Variants in FAM98A observed in about 807,000 individuals in gnomAD.
The protein encoded by FAM98A is tRNA splicing ligase complex subunit 3A.
FAM98A carries 25 observed loss-of-function variants against 62.9 expected under a neutral mutation model. That is an observed-to-expected ratio of 0.40 (90% CI 0.29 to 0.56). FAM98A has a LOEUF of 0.56. Among genes scored for constraint, FAM98A ranks in the 20% least tolerant of loss-of-function variants. FAM98A has a pLI of 0.51. For missense variants in FAM98A, 653 were observed against 640.7 expected (o/e 1.02, Z -0.21); for synonymous variants, 252 against 228.6 (o/e 1.10, Z -0.92).
At position 33,587,746 on chromosome 2, in the gene FAM98A, C is replaced by T. The variant is rs184627405; in HGVS notation, c.523-426G>A. On this transcript the variant is annotated intron_variant, in intron 4 of 7. Coordinates refer to ENST00000238823, the MANE Select transcript of FAM98A (RefSeq NM_015475.5). ...GGAATAACTGTGCTTTAACAAATACCGTTCTCTTCTACTCATTTTTGTTAA... is the reference window on the plus strand; with the variant it reads ...GGAATAACTGTGCTTTAACAAATACTGTTCTCTTCTACTCATTTTTGTTAA... The T allele has an allele frequency of 1.3e-4, 23 of 173,080 alleles. No homozygotes were observed. The South Asian group carries it at 1.8e-3, about 14-fold the overall frequency. The allele number at this position is 173,080 out of a possible 1,614,324, so 10.7% of individuals were successfully genotyped here.
chr2:33,593,710 C>A (rs151173784), intron 2 of FAM98A, among the ~76,000 whole-genome samples: 2 of 152,254 alleles, frequency 1.3e-5, no homozygotes, highest in African/African-American at 4.8e-5. Context: ...GAATATTTTG[C>A]AAACTGTGAT....
At chr2:33,587,181 A>C in intron 5 of FAM98A, 59 bp downstream of exon 5, 1 of 1,078,252 alleles carries the variant, frequency 9.3e-7, no homozygotes, top group South Asian at 1.4e-5. Flanking sequence ...AAGTGTTGAC[A>C]TGAAAATCAT....
chr2:33,589,672 T>C (rs543724978), intron 3 of FAM98A: 7 of 152,176 alleles, frequency 4.6e-5, no homozygotes, highest in Non-Finnish European at 8.8e-5. Context: ...AATCTTAACA[T>C]GTTCCATACA....
intron 2 of FAM98A, among the ~76,000 whole-genome samples, chr2:33,594,584 C>A: frequency 7.3e-6 from 1 of 137,698 alleles, no homozygotes; most frequent in Non-Finnish European, 1.5e-5. Flanking sequence ...TATACACACA[C>A]ACACACACAC....
intron 5 of FAM98A, 36 bp downstream of exon 5, chr2:33,587,204 T>A (rs748277434): frequency 7.7e-7 from 1 of 1,293,704 alleles, no homozygotes; most frequent in Non-Finnish European, 1.1e-6. Context: ...ACTCTATAGT[T>A]CTTTACAAAG....
At position 33,584,739 on chromosome 2, in the gene FAM98A, T is replaced by C. The variant is rs778196527; in HGVS notation, c.*37A>G. 6.6e-7 allele frequency: 1 copy of C among 1,515,964 alleles called. No individual in the cohort carries two copies. 93.9% of individuals were successfully genotyped at this position (1,515,964 alleles called of 1,614,324 possible). On this transcript the variant is annotated 3_prime_UTR_variant, in exon 8 of 8. Coordinates refer to ENST00000238823, the MANE Select transcript of FAM98A (RefSeq NM_015475.5). Reference sequence around the variant, plus strand: ...TCAGGATTCTGAAACTAAGTTTCTATTACTTGAGCTCTAGCAAAATGTAAG... The same window carrying C: ...TCAGGATTCTGAAACTAAGTTTCTACTACTTGAGCTCTAGCAAAATGTAAG...
intron 2 of FAM98A, among the ~76,000 whole-genome samples, chr2:33,594,535 TAAAAAAAAAAA>T (rs1160445620): frequency 1.5e-4 from 5 of 34,308 alleles, no homozygotes; most frequent in African/African-American, 1.0e-3. Flanking sequence ...AACATAAAGT[TAAAAAAAAAAA>T]AAAAAAAAAA....
chr2:33,587,440 T>C (rs1481609727), intron 4 of FAM98A, 120 bp from the exon 5 acceptor site: 1 of 754,356 alleles, frequency 1.3e-6, no homozygotes, highest in Non-Finnish European at 2.3e-6. Flanking sequence ...AGGTGGAGGA[T>C]GTTTTGAAAT....
chr2:33,591,939 A>G (rs1677679954), intron 3 of FAM98A, 141 bp downstream of exon 3: 1 of 799,512 alleles, frequency 1.3e-6, no homozygotes, highest in Admixed American at 2.5e-5. Flanking sequence ...CTAAATTGGA[A>G]ATTTAAGAAA....
intron 2 of FAM98A, among the ~76,000 whole-genome samples, chr2:33,594,145 A>G (rs1677735632): frequency 6.6e-6 from 1 of 152,226 alleles, no homozygotes; most frequent in Admixed American, 6.5e-5. Context: ...TAATGAGTTA[A>G]CACATATAAA....
intron 4 of FAM98A, chr2:33,587,970 G>A (rs1018145349): frequency 8.3e-6 from 2 of 240,040 alleles, no homozygotes; most frequent in African/African-American, 2.2e-5. Context: ...ATGGGGAGGA[G>A]GGTGGTAACA....
chr2:33,587,508 C>T lies in FAM98A; in HGVS notation c.523-188G>A, dbSNP rs866747093. 2.0e-4 allele frequency: 113 copies of T among 573,022 alleles called. 1 individual carries two copies. The South Asian group carries it at 2.1e-3, about 11-fold the overall frequency. 35.5% of individuals were successfully genotyped at this position (573,022 alleles called of 1,614,324 possible). ...TCACTGGTCCCACTCCTCACGCCTACAGAAGTCCTTCATTGCACCTAGAAC... is the reference window on the plus strand; with the variant it reads ...TCACTGGTCCCACTCCTCACGCCTATAGAAGTCCTTCATTGCACCTAGAAC... On this transcript the variant is annotated intron_variant, in intron 4 of 7. Coordinates refer to ENST00000238823, the MANE Select transcript of FAM98A (RefSeq NM_015475.5).
At chr2:33,594,901 C>T (rs1239579463) in intron 2 of FAM98A, among the ~76,000 whole-genome samples, 1 of 152,138 alleles carries the variant, frequency 6.6e-6, no homozygotes, top group Non-Finnish European at 1.5e-5. Flanking sequence ...CAAGCTTTTG[C>T]CTCTTTTGCA....
intron 3 of FAM98A, among the ~76,000 whole-genome samples, chr2:33,591,581 C>T (rs550542917): frequency 6.6e-6 from 1 of 152,054 alleles, no homozygotes. Context: ...ACAAACAAAA[C>T]CAAAATCCCC....
chr2:33,584,516 A>T lies in FAM98A; in HGVS notation c.*260T>A. 2.3e-6 allele frequency: 1 copy of T among 436,642 alleles called. No individual in the cohort carries two copies. Among genetic ancestry groups the T allele is most frequent in the Non-Finnish European group, 4.0e-6 (1 of 247,108 alleles). The allele number at this position is 436,642 out of a possible 1,614,324, so 27.0% of individuals were successfully genotyped here. ...TGACTGTGGAATTAGTCTACTGGGCAATTAAAGGCAATTTTAACCACCTTT... is the reference window on the plus strand; with the variant it reads ...TGACTGTGGAATTAGTCTACTGGGCTATTAAAGGCAATTTTAACCACCTTT... On this transcript the variant is annotated 3_prime_UTR_variant, in exon 8 of 8. Transcript: ENST00000238823.
At position 33,599,241 on chromosome 2, in the gene FAM98A, T is replaced by C. The variant is rs556319724; in HGVS notation, c.-20A>G. On this transcript the variant is annotated 5_prime_UTR_variant, in exon 1 of 8. Transcript: ENST00000238823. The stretch of plus-strand genomic sequence containing the variant: ...CTCCATGCTACTGTGGTATTCAAAT[T>C]TCCGAGTCGTCAGGCTCCCCTCTTC... 1 of 1,610,400 alleles carries C rather than the reference T, an allele frequency of 6.2e-7. No individual in the cohort carries two copies. The highest frequency in any genetic ancestry group is 8.5e-7 in the Non-Finnish European group (1 of 1,176,586).
chr2:33,587,146 A>G, intron 5 of FAM98A, 94 bp downstream of exon 5: 1 of 792,842 alleles, frequency 1.3e-6, no homozygotes, highest in Non-Finnish European at 2.1e-6. Flanking sequence ...GTATAAGAAA[A>G]CATAATTTAA....
chr2:33,585,232 G>C lies in FAM98A; in HGVS notation c.1101C>G (p.Asp367Glu), dbSNP rs761703607. Residue 367 changes from aspartate (D) to glutamate (E), a missense_variant, in exon 8 of 8, where the codon GAC (aspartate) becomes GAG (glutamate). Coordinates refer to ENST00000238823, the MANE Select transcript of FAM98A (RefSeq NM_015475.5). ...GGGRGGRGGYDHGGRGGGRGN... is the reference protein window; with the variant it reads ...GGGRGGRGGYEHGGRGGGRGN... ...CTCTTCCTCCCCCTCGGCCACCATGGTCATAGCCACCACGTCCACCTCTCC... is the reference window on the plus strand; with the variant it reads ...CTCTTCCTCCCCCTCGGCCACCATGCTCATAGCCACCACGTCCACCTCTCC... 1 of 1,613,838 alleles carries C rather than the reference G, an allele frequency of 6.2e-7. No homozygotes were observed. The highest frequency in any genetic ancestry group is 1.1e-5 in the South Asian group (1 of 91,054).
intron 1 of FAM98A, among the ~76,000 whole-genome samples, chr2:33,596,577 A>G (rs1243505129): frequency 2.6e-5 from 4 of 152,226 alleles, no homozygotes; most frequent in Admixed American, 2.6e-4. Context: ...TTAAGATGAT[A>G]CAATAAATAT....
Sources: gnomAD v4.1 joint callset for allele counts (sites outside exome capture counted in the v4.1 genomes callset) on GRCh38, gnomAD v4.1.1 for gene constraint, MANE v1.5 for transcripts, NCBI Gene and HGNC (gene_info 2026-07-23, HGNC 2026-07-21) for gene names.